Variants in TAFA2 observed in about 807,000 individuals in gnomAD.
TAFA2 encodes the protein chemokine-like protein TAFA-2.
Under a neutral mutation model 18.8 loss-of-function variants are expected in TAFA2, and 7 were observed. The observed-to-expected ratio is 0.37, with a 90% CI of 0.21 to 0.70. TAFA2 has a LOEUF of 0.70. TAFA2 is among the 30% of genes least tolerant of loss of function. The pLI is 0.53. For synonymous variants in TAFA2, 60 were observed against 54.2 expected (o/e 1.11, Z -0.47); for missense variants, 122 against 158.1 (o/e 0.77, Z 1.23).
intron 1 of TAFA2, among the ~76,000 whole-genome samples, chr12:62,101,381 C>T (rs541008500): frequency 1.5e-4 from 23 of 151,662 alleles, no homozygotes; most frequent in African/African-American, 4.8e-4. Flanking sequence ...ATGTCCAGTA[C>T]GAATTTGGAC....
chr12:62,186,103 T>A (rs1030638498), intron 1 of TAFA2, among the ~76,000 whole-genome samples: 1 of 152,174 alleles, frequency 6.6e-6, no homozygotes, highest in Non-Finnish European at 1.5e-5. Context: ...TTCAAAGACT[T>A]GTTTATAAAG....
At chr12:61,972,002 G>C (rs112468138) in intron 1 of TAFA2, among the ~76,000 whole-genome samples, 1 of 151,718 alleles carries the variant, frequency 6.6e-6, no homozygotes, top group Non-Finnish European at 1.5e-5. Flanking sequence ...AGGATGCCAC[G>C]ACCATTCAAT....
chr12:61,930,512 G>T (rs1877512207), intron 1 of TAFA2, among the ~76,000 whole-genome samples: 1 of 152,106 alleles, frequency 6.6e-6, no homozygotes, highest in Non-Finnish European at 1.5e-5. Context: ...TTTTCACTTT[G>T]CTTTGCAGAC....
chr12:62,186,364 C>A (rs1431886585), intron 1 of TAFA2, among the ~76,000 whole-genome samples: 20 of 152,154 alleles, frequency 1.3e-4, no homozygotes, highest in African/African-American at 3.8e-4. Context: ...TTGCATTCAT[C>A]AAAAACTACT....
At chr12:62,202,086 T>C (rs1326807806) in intron 1 of TAFA2, among the ~76,000 whole-genome samples, 12 of 152,178 alleles carry the variant, frequency 7.9e-5, no homozygotes, top group Admixed American at 7.9e-4. Flanking sequence ...AATGATGATA[T>C]CCCCTTTATG....
chr12:61,821,128 T>TACAC (rs3034059), intron 2 of TAFA2, among the ~76,000 whole-genome samples: 31,854 of 146,380 alleles, frequency 0.22, 3,782 homozygotes, highest in Non-Finnish European at 0.28. Context: ...TTGATAGGGG[T>TACAC]ACACACACAC....
chr12:61,840,803 G>C (rs1873138658), intron 2 of TAFA2, among the ~76,000 whole-genome samples: 2 of 152,026 alleles, frequency 1.3e-5, no homozygotes, highest in South Asian at 4.1e-4. Context: ...GAGGATGGTG[G>C]TAGACAGGTA....
chr12:61,740,585 G>C (rs557601651), intron 4 of TAFA2, among the ~76,000 whole-genome samples: 2 of 151,970 alleles, frequency 1.3e-5, no homozygotes, highest in East Asian at 3.9e-4. Flanking sequence ...TAGGTACAAT[G>C]TACATTATTC....
In TAFA2 at chr12:62,029,516, C is replaced by T. The variant is rs377073688; in HGVS notation, c.-2+161743G>A. 6.6e-5 allele frequency among the ~76,000 whole-genome samples: 10 copies of T among 152,060 alleles called. No individual in the cohort carries two copies. The East Asian group carries it at 1.2e-3, about 18-fold the overall frequency. On this transcript the variant is annotated intron_variant, in intron 1 of 4. Transcript: ENST00000416284. ...CAGCACAGTATACAGTTTCCATGTC[C>T]CATGCCTGAGGAACTTAAACTGATG...
At chr12:62,179,575 T>C (rs2062537936) in intron 1 of TAFA2, among the ~76,000 whole-genome samples, 1 of 152,144 alleles carries the variant, frequency 6.6e-6, no homozygotes, top group Non-Finnish European at 1.5e-5. Context: ...GAATAGAGGT[T>C]TTACAAGACT....
At chr12:62,054,024 A>G (rs150871899) in intron 1 of TAFA2, among the ~76,000 whole-genome samples, 2 of 152,316 alleles carry the variant, frequency 1.3e-5, no homozygotes, top group East Asian at 3.9e-4. Context: ...GCTACATAAA[A>G]AGGAGAATTG....
chr12:62,084,923 A>G (rs1353795077), intron 1 of TAFA2, among the ~76,000 whole-genome samples: 1 of 152,174 alleles, frequency 6.6e-6, no homozygotes, highest in Non-Finnish European at 1.5e-5. Context: ...GAGGTAAACA[A>G]CAGGGTTTTG....
chr12:61,997,697 G>A (rs907921263), intron 1 of TAFA2, among the ~76,000 whole-genome samples: 1 of 152,036 alleles, frequency 6.6e-6, no homozygotes, highest in Non-Finnish European at 1.5e-5. Context: ...CCAGGAGACA[G>A]ATGACAGCAG....
At chr12:61,809,744 A>G in intron 2 of TAFA2, among the ~76,000 whole-genome samples, 1 of 151,382 alleles carries the variant, frequency 6.6e-6, no homozygotes, top group Non-Finnish European at 1.5e-5. Flanking sequence ...TTGAGGGTAG[A>G]AAAGCTTATT....
At chr12:62,000,762 C>T (rs1031362226) in intron 1 of TAFA2, among the ~76,000 whole-genome samples, 9 of 152,156 alleles carry the variant, frequency 5.9e-5, no homozygotes, top group African/African-American at 1.2e-4. Flanking sequence ...ATGCAAATAA[C>T]GTATTGTCTT....
chr12:62,174,360 G>A (rs76456517), intron 1 of TAFA2, among the ~76,000 whole-genome samples: 3,381 of 152,106 alleles, frequency 0.022, 115 homozygotes, highest in African/African-American at 0.076. Context: ...GAGACATATC[G>A]AGAACAGGCT....
At chr12:61,944,518 T>C (rs1485259482) in intron 1 of TAFA2, among the ~76,000 whole-genome samples, 8 of 120,970 alleles carry the variant, frequency 6.6e-5, no homozygotes, top group African/African-American at 2.6e-4. Context: ...ATCCAGGAGC[T>C]GGTTTTTTGA....
chr12:62,190,124 C>T (rs1359080454), intron 1 of TAFA2, among the ~76,000 whole-genome samples: 1 of 152,002 alleles, frequency 6.6e-6, no homozygotes, highest in Non-Finnish European at 1.5e-5. Context: ...GAGAGACTAG[C>T]CGCTGGAGTA....
chr12:62,169,031 T>G (rs2062459458), intron 1 of TAFA2, among the ~76,000 whole-genome samples: 1 of 152,052 alleles, frequency 6.6e-6, no homozygotes, highest in African/African-American at 2.4e-5. Flanking sequence ...CAACACTGAT[T>G]AGCTATTTGA....
Sources: gnomAD v4.1 joint callset for allele counts (sites outside exome capture counted in the v4.1 genomes callset) on GRCh38, gnomAD v4.1.1 for gene constraint, MANE v1.5 for transcripts, NCBI Gene and HGNC (gene_info 2026-07-23, HGNC 2026-07-21) for gene names.